Variants in XYLB observed in about 807,000 individuals in gnomAD.
XYLB encodes xylulokinase.
A neutral mutation model predicts 78.7 loss-of-function variants in XYLB; 62 were observed. The ratio of observed to expected loss-of-function variants is 0.79; its 90% CI spans 0.64 to 0.97. The LOEUF (loss-of-function observed/expected upper bound fraction) is 0.97, where lower values mean the gene tolerates loss of function less well. XYLB is among the 50% of genes least tolerant of loss of function. The pLI, the probability that XYLB is intolerant of heterozygous loss-of-function variation, is 0.00. For synonymous variants in XYLB, 245 were observed against 247.4 expected (o/e 0.99, Z 0.09); for missense variants, 687 against 676.8 (o/e 1.02, Z -0.17).
At chr3:38,386,814 C>T (rs1318663893) in intron 15 of XYLB, among the ~76,000 whole-genome samples, 1 of 152,182 alleles carries the variant, frequency 6.6e-6, no homozygotes, top group Non-Finnish European at 1.5e-5. Flanking sequence ...GAATGTAGAA[C>T]ATCTATAAAA....
At chr3:38,449,602 T>TGCA in the XYLB span, among the ~76,000 whole-genome samples, 1 of 152,184 alleles carries the variant, frequency 6.6e-6, no homozygotes, top group African/African-American at 2.4e-5. Flanking sequence ...TCAAAAACAA[T>TGCA]GCAGCCAACA....
intron 9 of XYLB, 175 bp downstream of exon 9, chr3:38,370,349 G>T: frequency 1.7e-6 from 1 of 590,412 alleles, no homozygotes. Context: ...GTAAGTCAGT[G>T]TCTGGATCAG....
At chr3:38,417,453 A>T (rs533451716), downstream of XYLB, among the ~76,000 whole-genome samples, 1 of 152,198 alleles carries the variant, frequency 6.6e-6, no homozygotes, top group Non-Finnish European at 1.5e-5. Context: ...GTAGACTCCA[A>T]TCAGACACAT....
the XYLB span, among the ~76,000 whole-genome samples, chr3:38,431,495 A>G: frequency 6.6e-6 from 1 of 152,318 alleles, no homozygotes; most frequent in East Asian, 1.9e-4. Flanking sequence ...GTCGCCTGCA[A>G]AGAGGGACAA....
At chr3:38,365,480 T>C in intron 5 of XYLB, 128 bp from the exon 6 acceptor site, 2 of 1,491,440 alleles carry the variant, frequency 1.3e-6, no homozygotes, top group Non-Finnish European at 1.8e-6. Context: ...GGCCCATGTG[T>C]CTCCAACCAA....
chr3:38,377,645 C>T (rs909780173), intron 14 of XYLB, among the ~76,000 whole-genome samples: 3 of 151,958 alleles, frequency 2.0e-5, no homozygotes, highest in Non-Finnish European at 4.4e-5. Context: ...AGGGGTTTCT[C>T]CATGTTGGCC....
chr3:38,369,115 C>T (rs1706411144), intron 8 of XYLB, among the ~76,000 whole-genome samples: 1 of 152,090 alleles, frequency 6.6e-6, no homozygotes, highest in African/African-American at 2.4e-5. Context: ...CAGAATGGAG[C>T]CTGGGATGCT....
chr3:38,399,035 C>T (rs1708012563), intron 17 of XYLB, among the ~76,000 whole-genome samples: 1 of 152,022 alleles, frequency 6.6e-6, no homozygotes, highest in Admixed American at 6.5e-5. Context: ...CAGAGCAAGA[C>T]TCCATCTCAA....
In XYLB at chr3:38,365,670, C is replaced by G; in HGVS notation, c.441C>G (p.Arg147=). Residue 147 remains arginine (R), a synonymous_variant, in exon 6 of 19, where the codon CGC becomes CGG. Transcript: ENST00000207870. ...WMDSSTTAQC[R]QLEAAVGGAQ... ...ACTCCAGCACCACAGCCCAGTGCCGCCAGCTGGAGGCTGCTGTGGGTGGTG... is the reference window on the plus strand; with the variant it reads ...ACTCCAGCACCACAGCCCAGTGCCGGCAGCTGGAGGCTGCTGTGGGTGGTG... The G allele has an allele frequency of 6.2e-7, 1 of 1,613,962 alleles. No homozygotes were observed. The highest frequency in any genetic ancestry group is 8.5e-7 in the Non-Finnish European group (1 of 1,179,988).
chr3:38,373,443 A>T (rs1575486179), intron 10 of XYLB, among the ~76,000 whole-genome samples: 2 of 152,352 alleles, frequency 1.3e-5, no homozygotes, highest in East Asian at 3.9e-4. Context: ...CTGTCCTTTC[A>T]GTCTTCTTTC....
chr3:38,359,685 T>C (rs1028179596), intron 2 of XYLB, among the ~76,000 whole-genome samples: 2 of 152,252 alleles, frequency 1.3e-5, no homozygotes, highest in African/African-American at 4.8e-5. Context: ...ATAAGTCTGC[T>C]ATGAATATTT....
chr3:38,393,249 C>T (rs1707744135), intron 15 of XYLB, among the ~76,000 whole-genome samples: 1 of 152,072 alleles, frequency 6.6e-6, no homozygotes, highest in African/African-American at 2.4e-5. Flanking sequence ...CTCCTGGGTT[C>T]CTCCCACCTC....
the XYLB span, among the ~76,000 whole-genome samples, chr3:38,440,374 G>A: frequency 1.3e-5 from 2 of 152,216 alleles, no homozygotes; most frequent in East Asian, 3.8e-4. Flanking sequence ...GTTTGGCTGA[G>A]TGCAAACAGC....
Position 38,370,051 on chromosome 3 carries a change from C to A in XYLB, c.647-5C>A. ...TGTCTGTTGTTTGTTTCCTTCCTTC[C>A]TCAGGTTCTGGAATGAATTTGTTGC... On this transcript the variant is annotated splice_region_variant and splice_polypyrimidine_tract_variant and intron_variant, in intron 8 of 18. Transcript: ENST00000207870. 6.2e-7 allele frequency: 1 copy of A among 1,613,248 alleles called. No homozygotes were observed.
chr3:38,425,919 G>T (rs1209531520), downstream of XYLB, among the ~76,000 whole-genome samples: 1 of 152,162 alleles, frequency 6.6e-6, no homozygotes, highest in Admixed American at 6.5e-5. Context: ...ATTCTTCCTT[G>T]TATAATACTG....
chr3:38,421,179 T>C (rs1708964409), downstream of XYLB: 2 of 152,362 alleles, frequency 1.3e-5, no homozygotes, highest in African/African-American at 2.4e-5. Flanking sequence ...CCCCACTTTA[T>C]ACTGTATTCC....
chr3:38,445,888 A>G, the XYLB span, among the ~76,000 whole-genome samples: 2 of 152,184 alleles, frequency 1.3e-5, no homozygotes, highest in South Asian at 2.1e-4. Context: ...AAGGGGTCCA[A>G]TGGTACTCAC....
intron 3 of XYLB, among the ~76,000 whole-genome samples, chr3:38,360,724 C>G (rs1476978950): frequency 1.3e-5 from 2 of 152,238 alleles, no homozygotes; most frequent in East Asian, 3.8e-4. Flanking sequence ...CCTGTGGCCT[C>G]CCTTGTACCA....
the XYLB span, among the ~76,000 whole-genome samples, chr3:38,431,437 A>C: frequency 6.6e-6 from 1 of 152,206 alleles, no homozygotes; most frequent in Non-Finnish European, 1.5e-5. Flanking sequence ...TTATCAGCTT[A>C]AGGAGATTTG....
Sources: allele counts gnomAD v4.1 joint callset (sites outside exome capture counted in the v4.1 genomes callset), GRCh38; gene constraint gnomAD v4.1.1; transcripts MANE v1.5; gene names NCBI Gene and HGNC (gene_info 2026-07-23, HGNC 2026-07-21).